FAM91A1: variants seen among roughly 807,000 people sequenced by gnomAD.
FAM91A1 encodes protein FAM91A1.
FAM91A1 carries 41 observed loss-of-function variants against 113.5 expected under a neutral mutation model. The ratio of observed to expected loss-of-function variants is 0.36; its 90% CI spans 0.28 to 0.47. The LOEUF (loss-of-function observed/expected upper bound fraction) is 0.47. FAM91A1 is among the 20% of genes least tolerant of loss of function. The pLI, the probability that FAM91A1 is intolerant of heterozygous loss-of-function variation, is 1.00. For missense variants in FAM91A1, 696 were observed against 1,001.2 expected, an observed-to-expected ratio of 0.70 and a Z score of 4.11; for synonymous variants, 307 against 347.9, an observed-to-expected ratio of 0.88 and a Z score of 1.31.
In FAM91A1 at chr8:123,809,837, T is replaced by A. The variant is rs531285370; in HGVS notation, c.2262-445T>A. Among the ~76,000 whole-genome samples the A allele has an allele frequency of 2.6e-5, 4 of 152,300 alleles. No homozygotes were observed. In the East Asian group the frequency reaches 7.7e-4, roughly 29 times the overall value. Reference sequence around the variant, plus strand: ...AGAACTTTAAAGATTACCACTATAATTTTTACTGACTTACATATTTGAAAA... The same window carrying A: ...AGAACTTTAAAGATTACCACTATAAATTTTACTGACTTACATATTTGAAAA... On this transcript the variant is annotated intron_variant, in intron 22 of 23. Coordinates refer to ENST00000334705, the MANE Select transcript of FAM91A1 (RefSeq NM_144963.4).
At chr8:123,791,323 A>G (rs1815377739) in intron 15 of FAM91A1, among the ~76,000 whole-genome samples, 1 of 151,490 alleles carries the variant, frequency 6.6e-6, no homozygotes, top group Non-Finnish European at 1.5e-5. Flanking sequence ...CTGTCCCTAT[A>G]TTATCTTCTC....
chr8:123,775,353 G>A, intron 3 of FAM91A1, 55 bp downstream of exon 3: 2 of 1,573,574 alleles, frequency 1.3e-6, no homozygotes, highest in South Asian at 1.2e-5. Context: ...ACATGTCTGG[G>A]ACTTTTTGCA....
At chr8:123,789,402 T>TA (rs1563642039) in intron 14 of FAM91A1, among the ~76,000 whole-genome samples, 1 of 152,230 alleles carries the variant, frequency 6.6e-6, no homozygotes, top group Non-Finnish European at 1.5e-5. Context: ...CTAAAATTGT[T>TA]AGTCTTAGTT....
intron 1 of FAM91A1, among the ~76,000 whole-genome samples, chr8:123,771,762 G>A (rs1258238773): frequency 6.6e-6 from 1 of 152,152 alleles, no homozygotes; most frequent in Non-Finnish European, 1.5e-5. Context: ...ACTTGGGGAT[G>A]TATATGCTGG....
At chr8:123,794,109 G>C (rs185615220) in intron 15 of FAM91A1, among the ~76,000 whole-genome samples, 1 of 152,302 alleles carries the variant, frequency 6.6e-6, no homozygotes, top group Non-Finnish European at 1.5e-5. Flanking sequence ...AGCTTCTCCT[G>C]ACACTTTGGC....
Position 123,812,818 on chromosome 8 carries a change from C to T in FAM91A1, c.*114C>T, listed in dbSNP as rs1815990578. The stretch of plus-strand genomic sequence containing the variant: ...CTGCTGCAGTGCAATTCTTGCTTAA[C>T]TAATATTAAAAGTTGGGGAACATAT... On this transcript the variant is annotated 3_prime_UTR_variant, in exon 24 of 24. Transcript: ENST00000334705. 1.1e-6 allele frequency: 1 copy of T among 908,142 alleles called. No homozygotes were observed. The highest frequency in any genetic ancestry group is 1.6e-6 in the Non-Finnish European group (1 of 644,782). The allele number at this position is 908,142 out of a possible 1,614,324, so 56.3% of individuals were successfully genotyped here. A position where few individuals can be genotyped will look rare whatever the true frequency, so the allele number is the denominator to read the frequency against.
intron 20 of FAM91A1, among the ~76,000 whole-genome samples, chr8:123,807,172 T>C (rs1219039458): frequency 6.6e-6 from 1 of 152,170 alleles, no homozygotes; most frequent in African/African-American, 2.4e-5. Context: ...TACTCCTATC[T>C]CATTTGTCTT....
Position 123,777,677 on chromosome 8 carries a change from C to T in FAM91A1, c.368-348C>T, listed in dbSNP as rs1815020708. ...TGACATACAGTTTTTAGTAACTTAA[C>T]TTGCTGCTGTTTTAGTATGCTTACT... On this transcript the variant is annotated intron_variant, in intron 4 of 23. Coordinates refer to ENST00000334705, the MANE Select transcript of FAM91A1 (RefSeq NM_144963.4). Among the ~76,000 whole-genome samples, 3 of 152,210 alleles carry T rather than the reference C, an allele frequency of 2.0e-5. 1 individual carries two copies. In the South Asian group the frequency reaches 6.2e-4, roughly 32 times the overall value.
At chr8:123,811,937 T>C (rs568535448) in intron 23 of FAM91A1, 1 of 152,732 alleles carries the variant, frequency 6.5e-6, no homozygotes, top group African/African-American at 2.4e-5. Context: ...AGTGGCACGA[T>C]CTCGGCTCAC....
chr8:123,773,284 C>T (rs1814900013), intron 1 of FAM91A1, among the ~76,000 whole-genome samples: 2 of 152,200 alleles, frequency 1.3e-5, no homozygotes, highest in African/African-American at 4.8e-5. Flanking sequence ...ACTAAATCCT[C>T]TGATCTTTCT....
At chr8:123,777,343 A>G (rs1364659624) in intron 4 of FAM91A1, 21 bp downstream of exon 4, 1 of 1,606,456 alleles carries the variant, frequency 6.2e-7, no homozygotes, top group African/African-American at 1.3e-5. Flanking sequence ...AATTGTGCTG[A>G]AGAAGGTAAT....
rs77170970 is a variant in FAM91A1, at chr8:123,777,180, A to G, written c.310-85A>G. 115 of 920,230 alleles carry G rather than the reference A, an allele frequency of 1.2e-4. No individual in the cohort carries two copies. The African/African-American group carries it at 1.5e-3, about 12-fold the overall frequency. 57.0% of individuals were successfully genotyped at this position (920,230 alleles called of 1,614,324 possible). ...ACTGCTTCCTGTAATAATCATTGTTATTGGCTGTAATAATATTGTATTTAT... is the reference window on the plus strand; with the variant it reads ...ACTGCTTCCTGTAATAATCATTGTTGTTGGCTGTAATAATATTGTATTTAT... On this transcript the variant is annotated intron_variant, in intron 3 of 23. Coordinates refer to ENST00000334705, the MANE Select transcript of FAM91A1 (RefSeq NM_144963.4).
intron 20 of FAM91A1, among the ~76,000 whole-genome samples, chr8:123,806,759 C>T (rs1238221529): frequency 2.0e-5 from 3 of 152,100 alleles, no homozygotes; most frequent in Non-Finnish European, 2.9e-5. Context: ...TCTGTGACTG[C>T]TCTTCTTGTC....
intron 16 of FAM91A1, among the ~76,000 whole-genome samples, chr8:123,798,941 A>G (rs1418719312): frequency 2.0e-5 from 3 of 152,230 alleles, no homozygotes; most frequent in African/African-American, 7.2e-5. Flanking sequence ...TTTGCATCTA[A>G]CTAACCTTTT....
At chr8:123,788,076 T>C in intron 14 of FAM91A1, 1 of 611,940 alleles carries the variant, frequency 1.6e-6, no homozygotes, top group Non-Finnish European at 2.0e-6. Context: ...CAATTTTTTT[T>C]CTGGTATGAC....
At position 123,815,206 on chromosome 8, in the gene FAM91A1, T is replaced by C. The variant is rs555051972; in HGVS notation, c.*2502T>C. 6.6e-6 allele frequency: 1 copy of C among 152,666 alleles called. No homozygotes were observed. Among genetic ancestry groups the C allele is most frequent in the Non-Finnish European group, 1.5e-5 (1 of 68,000 alleles). The allele number at this position is 152,666 out of a possible 1,614,324, so 9.5% of individuals were successfully genotyped here. A position where few individuals can be genotyped will look rare whatever the true frequency, so the allele number is the denominator to read the frequency against. ...GTTTTTTTTTCAGGGGAGCGGAATA[T>C]TGGTTTCTTTTACTTGTTGTTTTCA... On this transcript the variant is annotated 3_prime_UTR_variant, in exon 24 of 24. Coordinates refer to ENST00000334705, the MANE Select transcript of FAM91A1 (RefSeq NM_144963.4).
At chr8:123,809,139 T>C in intron 22 of FAM91A1, 123 bp downstream of exon 22, 1 of 1,326,122 alleles carries the variant, frequency 7.5e-7, no homozygotes, top group Admixed American at 2.6e-5. Flanking sequence ...ATTTGTTGAT[T>C]GAATAGAGAT....
intron 8 of FAM91A1, among the ~76,000 whole-genome samples, chr8:123,783,742 G>T (rs1815181988): frequency 6.6e-6 from 1 of 152,312 alleles, no homozygotes; most frequent in East Asian, 1.9e-4. Flanking sequence ...TTTTTTATTG[G>T]CTGGGCAGAG....
chr8:123,807,515 A>G (rs552750681), intron 20 of FAM91A1, among the ~76,000 whole-genome samples: 16 of 151,650 alleles, frequency 1.1e-4, no homozygotes, highest in Admixed American at 5.9e-4. Flanking sequence ...AACAAAAAAG[A>G]CAATGTTGTT....
Sources: gnomAD v4.1 joint callset for allele counts (sites outside exome capture counted in the v4.1 genomes callset) on GRCh38, gnomAD v4.1.1 for gene constraint, MANE v1.5 for transcripts, NCBI Gene and HGNC (gene_info 2026-07-23, HGNC 2026-07-21) for gene names.